The following LINGO2 variants were observed in gnomAD, a reference collection of about 807,000 sequenced individuals.
LINGO2 encodes leucine rich repeat and Ig domain containing 2.
LINGO2 carries 14 observed loss-of-function variants against 30.6 expected under a neutral mutation model. That is an observed-to-expected ratio of 0.46 (90% CI 0.30 to 0.72). The LOEUF is 0.72. Ranked by LOEUF, LINGO2 falls within the 30% of genes least tolerant of loss-of-function variation. The pLI is 0.07. For missense variants in LINGO2, 729 were observed against 751.7 expected (o/e 0.97, Z 0.35); for synonymous variants, 317 against 288.5 (o/e 1.10, Z -1.00).
chr9:28,018,566 T>G (rs147509598), intron 4 of LINGO2, among the ~76,000 whole-genome samples: 1 of 151,994 alleles, frequency 6.6e-6, no homozygotes, highest in African/African-American at 2.4e-5. Flanking sequence ...AAGACATACA[T>G]GCAGCTAATA....
At chr9:28,617,902 G>A (rs1426248778) in intron 1 of LINGO2, among the ~76,000 whole-genome samples, 2 of 151,886 alleles carry the variant, frequency 1.3e-5, no homozygotes, top group Non-Finnish European at 2.9e-5. Flanking sequence ...TTCTTTACTA[G>A]TGAAAAAAGA....
At chr9:28,593,809 T>C (rs955158051) in intron 1 of LINGO2, among the ~76,000 whole-genome samples, 3 of 151,978 alleles carry the variant, frequency 2.0e-5, no homozygotes, top group Non-Finnish European at 4.4e-5. Context: ...TTCCCAACAT[T>C]GACATATTTA....
chr9:28,310,041 A>G (rs551297863), intron 3 of LINGO2, among the ~76,000 whole-genome samples: 51 of 152,308 alleles, frequency 3.3e-4, no homozygotes, highest in Non-Finnish European at 6.2e-4. Context: ...CTAAACTTTT[A>G]TACAGTGCTG....
At chr9:28,585,252 C>A (rs893652804) in intron 1 of LINGO2, among the ~76,000 whole-genome samples, 1 of 151,962 alleles carries the variant, frequency 6.6e-6, no homozygotes, top group Non-Finnish European at 1.5e-5. Context: ...ATCTTGTATT[C>A]TATTTGATAA....
the LINGO2 span, among the ~76,000 whole-genome samples, chr9:28,896,024 G>A: frequency 2.0e-5 from 3 of 152,052 alleles, no homozygotes; most frequent in Non-Finnish European, 4.4e-5. Context: ...TAAGCGTTCA[G>A]AATGCCAAAA....
intron 4 of LINGO2, among the ~76,000 whole-genome samples, chr9:28,021,859 GATCTTTA>G (rs1307515427): frequency 2.3e-5 from 3 of 132,804 alleles, no homozygotes; most frequent in African/African-American, 9.7e-5. Flanking sequence ...GCCGAATCTT[GATCTTTA>G]AAGTGGGTTT....
intron 4 of LINGO2, among the ~76,000 whole-genome samples, chr9:28,111,915 A>T (rs563015321): frequency 2.7e-4 from 41 of 151,486 alleles, no homozygotes; most frequent in Non-Finnish European, 4.4e-4. Flanking sequence ...TTATTTATTT[A>T]TTTTTTATTA....
chr9:28,722,022 G>T, the LINGO2 span, among the ~76,000 whole-genome samples: 1 of 151,666 alleles, frequency 6.6e-6, no homozygotes, highest in Admixed American at 6.6e-5. Flanking sequence ...AAACCAAACA[G>T]CCCAAACATG....
chr9:28,948,616 T>C, the LINGO2 span, among the ~76,000 whole-genome samples: 1 of 152,168 alleles, frequency 6.6e-6, no homozygotes, highest in African/African-American at 2.4e-5. Flanking sequence ...TAAAATACAA[T>C]GAAATCACAT....
intron 1 of LINGO2, among the ~76,000 whole-genome samples, chr9:28,495,207 G>A (rs1003831224): frequency 6.6e-6 from 1 of 152,032 alleles, no homozygotes; most frequent in African/African-American, 2.4e-5. Context: ...CTGTGCAGAA[G>A]CTCTTTAGTT....
chr9:28,215,680 G>A (rs78656269), intron 4 of LINGO2, among the ~76,000 whole-genome samples: 1,655 of 151,702 alleles, frequency 0.011, 11 homozygotes, highest in Non-Finnish European at 0.019. Flanking sequence ...CTGAATCGAT[G>A]GAAGTGTCTA....
chr9:28,345,857 C>G (rs1281184032), intron 3 of LINGO2, among the ~76,000 whole-genome samples: 1 of 152,054 alleles, frequency 6.6e-6, no homozygotes, highest in Non-Finnish European at 1.5e-5. Flanking sequence ...TAAATGTTTC[C>G]TAAACAAAAA....
At chr9:28,567,795 AAAT>A (rs1563831162) in intron 1 of LINGO2, among the ~76,000 whole-genome samples, 1 of 74,154 alleles carries the variant, frequency 1.3e-5, no homozygotes, top group East Asian at 4.6e-4. Context: ...CCTGAATCTA[AAAT>A]AAATAAATAA....
chr9:28,864,904 T>C, the LINGO2 span, among the ~76,000 whole-genome samples: 1 of 152,046 alleles, frequency 6.6e-6, no homozygotes, highest in African/African-American at 2.4e-5. Context: ...TTTCAAGAAA[T>C]ACAAAGGAGA....
chr9:28,234,271 T>C (rs564287182), intron 4 of LINGO2, among the ~76,000 whole-genome samples: 1 of 152,228 alleles, frequency 6.6e-6, no homozygotes, highest in East Asian at 1.9e-4. Flanking sequence ...CCCTGGGGCT[T>C]TAAGCTAACA....
chr9:28,644,201 GAA>G (rs1284218530), intron 1 of LINGO2, among the ~76,000 whole-genome samples: 1 of 149,886 alleles, frequency 6.7e-6, no homozygotes, highest in Admixed American at 6.6e-5. Flanking sequence ...ATAACCAAAA[GAA>G]AAAAAAAGGA....
intron 3 of LINGO2, among the ~76,000 whole-genome samples, chr9:28,310,269 A>G (rs1372325530): frequency 6.6e-6 from 1 of 152,200 alleles, no homozygotes; most frequent in African/African-American, 2.4e-5. Context: ...GCAGTTTTCC[A>G]AAAGCTGAAA....
intron 4 of LINGO2, among the ~76,000 whole-genome samples, chr9:28,183,219 C>G (rs1819420903): frequency 6.6e-6 from 1 of 152,054 alleles, no homozygotes. Flanking sequence ...AAACCAAACA[C>G]CACATGTTCT....
At chr9:28,873,132 G>A in the LINGO2 span, among the ~76,000 whole-genome samples, 46 of 151,942 alleles carry the variant, frequency 3.0e-4, no homozygotes, top group Non-Finnish European at 5.4e-4. Context: ...CCTTTGGGAG[G>A]CCGAGGTGGG....
Sources: allele counts gnomAD v4.1 joint callset (sites outside exome capture counted in the v4.1 genomes callset), GRCh38; gene constraint gnomAD v4.1.1; transcripts MANE v1.5; gene names NCBI Gene and HGNC (gene_info 2026-07-23, HGNC 2026-07-21).